The following INTS2 variants were observed in gnomAD, a reference collection of about 807,000 sequenced individuals.
INTS2 encodes KIAA1287.
INTS2 carries 57 observed loss-of-function variants against 139.6 expected under a neutral mutation model. The observed-to-expected ratio is 0.41, with a 90% confidence interval of 0.33 to 0.51. The LOEUF (loss-of-function observed/expected upper bound fraction) is 0.51. Among genes scored for constraint, INTS2 ranks in the 20% least tolerant of loss-of-function variants. The pLI, the probability that INTS2 is intolerant of heterozygous loss-of-function variation, is 0.28. For synonymous variants in INTS2, 473 were observed against 493.4 expected (o/e 0.96, Z 0.55); for missense variants, 1,196 against 1,436.7 (o/e 0.83, Z 2.71).
At chr17:61,921,333 G>C (rs1567920297) in intron 4 of INTS2, 1 of 153,032 alleles carries the variant, frequency 6.5e-6, no homozygotes, top group Non-Finnish European at 1.5e-5. Flanking sequence ...AACAGAGCAA[G>C]ACTCTGTCTC....
Position 61,927,950 on chromosome 17 carries a change from G to A in INTS2, c.-315C>T, listed in dbSNP as rs2079736130. 6.2e-7 allele frequency: 1 copy of A among 1,613,920 alleles called. No homozygotes were observed. The highest frequency in any genetic ancestry group is 8.5e-7 in the Non-Finnish European group (1 of 1,179,862). ...CACCCAGCACCTTCATTCATCCCCA[G>A]CGTCTGACTCCCGTCGGCCACCGTA... On this transcript the variant is annotated 5_prime_UTR_variant, in exon 1 of 25. Transcript: ENST00000251334.
At position 61,870,405 on chromosome 17, in the gene INTS2, T is replaced by C. The variant is rs953222782; in HGVS notation, c.2779-417A>G. ...CCTTTCCTTCCTCTTAATCTCCTAC[T>C]TTTCCCAGTATGCTATCCTGATTTC... On this transcript the variant is annotated intron_variant, in intron 20 of 24. Transcript: ENST00000251334. This position sits in a 1 kb window ranked among gnomAD's most constrained non-coding sequence, Gnocchi z 4.4. Among the ~76,000 whole-genome samples, 2 of 152,180 alleles carry C rather than the reference T, an allele frequency of 1.3e-5. No homozygotes were observed. Among genetic ancestry groups the C allele is most frequent in the African/African-American group, 4.8e-5 (2 of 41,438 alleles).
At chr17:61,925,823 G>C (rs1012187466) in intron 2 of INTS2, among the ~76,000 whole-genome samples, 8 of 151,694 alleles carry the variant, frequency 5.3e-5, no homozygotes, top group Non-Finnish European at 1.2e-4. Context: ...CCAGGAGTTG[G>C]AGACCAGCCT....
chr17:61,920,621 T>C (rs2079630981), intron 4 of INTS2, among the ~76,000 whole-genome samples: 3 of 150,054 alleles, frequency 2.0e-5, no homozygotes, highest in Non-Finnish European at 3.0e-5. Flanking sequence ...CTGGCCAACA[T>C]GGTGAAACCT....
At position 61,919,505 on chromosome 17, in the gene INTS2, A is replaced by G. The variant is rs1363284653; in HGVS notation, c.544T>C (p.Ser182Pro). The G allele has an allele frequency of 2.6e-6, 4 of 1,564,648 alleles. No homozygotes were observed. In the Admixed American group the frequency reaches 7.1e-5, roughly 28 times the overall value. The change falls in exon 5 of 25, where the codon TCC (serine) becomes CCC (proline). Residue 182 changes from serine (S) to proline (P), a missense_variant. By Grantham distance (74) the Ser-to-Pro change is moderately conservative (BLOSUM62 -1). Around this residue, in one of 3 missense-constraint regions of INTS2, gnomAD observed 1,129 missense variants for 1,341.9 expected, o/e 0.84. Coordinates refer to ENST00000251334, the MANE Select transcript of INTS2 (RefSeq NM_001351695.2). ...GCTACATCAACTATAGGGAGCAAGG[A>G]AGGGAGCTCTACAAGAAAACAAAGT... Reference protein sequence around the residue: ...VLCILQAELPSLLPIVDVAEA... With the variant: ...VLCILQAELPPLLPIVDVAEA...
intron 11 of INTS2, among the ~76,000 whole-genome samples, chr17:61,896,803 CTAACGG>C (rs1222677002): frequency 1.3e-5 from 2 of 152,150 alleles, no homozygotes; most frequent in Non-Finnish European, 1.5e-5. Flanking sequence ...GTAGTTCTTA[CTAACGG>C]TAAGAGTTAA....
chr17:61,901,085 G>A (rs2079399914), intron 9 of INTS2, among the ~76,000 whole-genome samples: 1 of 152,016 alleles, frequency 6.6e-6, no homozygotes, highest in African/African-American at 2.4e-5. Flanking sequence ...AATCAGCCTG[G>A]GCAACAAAAG....
At chr17:61,888,949 C>T (rs552338709) in intron 15 of INTS2, among the ~76,000 whole-genome samples, 1 of 151,858 alleles carries the variant, frequency 6.6e-6, no homozygotes, top group South Asian at 2.1e-4. Context: ...GGCATGAACT[C>T]AGGAAGTGGA....
chr17:61,925,105 G>T lies in INTS2; in HGVS notation c.294-6C>A. On this transcript the variant is annotated splice_region_variant and splice_polypyrimidine_tract_variant and intron_variant, in intron 2 of 24. Transcript: ENST00000251334. ...TGCCTCCTCCAAGTTTATGCCTAATGAAGTACAAAACATGTAACAATTATG... is the reference window on the plus strand; with the variant it reads ...TGCCTCCTCCAAGTTTATGCCTAATTAAGTACAAAACATGTAACAATTATG... 6.2e-7 allele frequency: 1 copy of T among 1,612,048 alleles called. No individual in the cohort carries two copies. The highest frequency in any genetic ancestry group is 8.5e-7 in the Non-Finnish European group (1 of 1,178,352).
intron 5 of INTS2, among the ~76,000 whole-genome samples, chr17:61,918,320 C>T (rs2079603938): frequency 6.6e-6 from 1 of 152,132 alleles, no homozygotes; most frequent in East Asian, 1.9e-4. Flanking sequence ...CGGCTCGCTG[C>T]AACCTCCACC....
In INTS2 at chr17:61,867,737, A is replaced by AG. The variant is rs1218581757; in HGVS notation, c.3422-12dup. On this transcript the variant is annotated splice_polypyrimidine_tract_variant and intron_variant, in intron 24 of 24. Transcript: ENST00000251334. This position sits in a 1 kb window ranked among gnomAD's most constrained non-coding sequence, Gnocchi z 5.6. ...TTATTTGTTGAAGACCTACAACATAAGGGAAAAAAAACATTAAGGCCAAGA... is the reference window on the plus strand; with the variant it reads ...TTATTTGTTGAAGACCTACAACATAAGGGGAAAAAAAACATTAAGGCCAAGA... The AG allele has an allele frequency of 1.3e-6, 2 of 1,573,578 alleles. No individual in the cohort carries two copies.
At chr17:61,888,455 A>T (rs1293273090) in intron 15 of INTS2, among the ~76,000 whole-genome samples, 1 of 152,196 alleles carries the variant, frequency 6.6e-6, no homozygotes, top group Middle Eastern at 3.2e-3. Context: ...AAAAGATACC[A>T]CTTTATAATG....
intron 5 of INTS2, among the ~76,000 whole-genome samples, chr17:61,916,494 C>T (rs1878664034): frequency 6.6e-6 from 1 of 152,094 alleles, no homozygotes; most frequent in African/African-American, 2.4e-5. Flanking sequence ...GAAATAAAGC[C>T]ACACACCTAC....
At chr17:61,887,290 C>T (rs1199723718) in intron 15 of INTS2, among the ~76,000 whole-genome samples, 2 of 151,966 alleles carry the variant, frequency 1.3e-5, no homozygotes, top group African/African-American at 4.8e-5. Context: ...CGAGACCAGC[C>T]TCACCAACAT....
At chr17:61,880,102 G>A (rs2079164410) in intron 17 of INTS2, among the ~76,000 whole-genome samples, 1 of 152,086 alleles carries the variant, frequency 6.6e-6, no homozygotes, top group East Asian at 1.9e-4. Flanking sequence ...GGAGTGCAGT[G>A]GTGCAACCTT....
chr17:61,888,664 C>T (rs1336669070), intron 15 of INTS2, among the ~76,000 whole-genome samples: 1 of 151,758 alleles, frequency 6.6e-6, no homozygotes, highest in Non-Finnish European at 1.5e-5. Context: ...TCTCAGCCTC[C>T]CAAAGTACCA....
At position 61,897,465 on chromosome 17, in the gene INTS2, T is replaced by G; in HGVS notation, c.1494+4A>C. 5 of 1,523,588 alleles carry G rather than the reference T, an allele frequency of 3.3e-6. No individual in the cohort carries two copies. The highest frequency in any genetic ancestry group is 4.4e-6 in the Non-Finnish European group (5 of 1,134,506). The allele number at this position is 1,523,588 out of a possible 1,614,324, so 94.4% of individuals were successfully genotyped here. A position where few individuals can be genotyped will look rare whatever the true frequency, so the allele number is the denominator to read the frequency against. Reference sequence around the variant, plus strand: ...TTTTTAGAAAGAAGTTAAAAGAAAATTACCTTCATCCCCAAAGTGGAACAG... The same window carrying G: ...TTTTTAGAAAGAAGTTAAAAGAAAAGTACCTTCATCCCCAAAGTGGAACAG... On this transcript the variant is annotated splice_donor_region_variant and intron_variant, in intron 11 of 24. Transcript: ENST00000251334. This position sits in a 1 kb window ranked among gnomAD's most constrained non-coding sequence, Gnocchi z 4.4.
Position 61,904,565 on chromosome 17 carries a change from T to C in INTS2, c.1202A>G (p.Glu401Gly). The C allele has an allele frequency of 6.2e-7, 1 of 1,611,638 alleles. No individual in the cohort carries two copies. The highest frequency in any genetic ancestry group is 1.1e-5 in the South Asian group (1 of 90,396). ...GCTCGTCATCAACTGCAGTAATTGC[T>C]CAGCTTCTTCTTCAGTTGGTCTAAA... is the stretch of plus-strand genomic sequence containing the variant. The part of the protein sequence containing the change: ...AGLKPTEEEA[E>G]QLLQLMTSRP... Residue 401 changes from glutamate to glycine, a missense_variant, in exon 9 of 25, where the codon GAG becomes GGG. By Grantham distance (98) the Glu-to-Gly change is moderately conservative (BLOSUM62 -2). This residue lies in a region of INTS2 where 1,129 missense variants were observed against 1,341.9 expected (regional missense o/e 0.84). Coordinates refer to ENST00000251334, the MANE Select transcript of INTS2 (RefSeq NM_001351695.2).
rs2079692491 is a variant in INTS2 at position 61,924,868 on chromosome 17, A to C, written c.432+93T>G. ...CAAAATAAGAGTAGAGGAGAATTCAACCTGCCTGACTTCTTGTCTCTTTTT... is the reference window on the plus strand; with the variant it reads ...CAAAATAAGAGTAGAGGAGAATTCACCCTGCCTGACTTCTTGTCTCTTTTT... On this transcript the variant is annotated intron_variant, in intron 3 of 24. Transcript: ENST00000251334. 4 of 1,302,374 alleles carry C rather than the reference A, an allele frequency of 3.1e-6. No homozygotes were observed. In the South Asian group the frequency reaches 5.2e-5, roughly 17 times the overall value. The allele number at this position is 1,302,374 out of a possible 1,614,324, so 80.7% of individuals were successfully genotyped here.
Sources: gnomAD v4.1 joint callset for allele counts (sites outside exome capture counted in the v4.1 genomes callset) on GRCh38, gnomAD v4.1.1 for gene constraint, gnomAD v4.1.1 regional missense constraint, Gnocchi (gnomAD v3.1) non-coding constraint, MANE v1.5 for transcripts, NCBI Gene and HGNC (gene_info 2026-07-23, HGNC 2026-07-21) for gene names.